The following FMN1 variants were observed in gnomAD, a reference collection of about 807,000 sequenced individuals.
The protein encoded by FMN1 is formin-1.
Under a neutral mutation model 132.4 loss-of-function variants are expected in FMN1, and 110 were observed. The observed-to-expected ratio is 0.83, with a 90% CI of 0.71 to 0.97. The LOEUF is 0.97. Ranked by LOEUF, FMN1 falls within the 50% of genes least tolerant of loss-of-function variation. The pLI, the probability that FMN1 is intolerant of heterozygous loss-of-function variation, is 0.00. For synonymous variants in FMN1, 722 were observed against 651.7 expected, an observed-to-expected ratio of 1.11 and a Z score of -1.64; for missense variants, 1,792 against 1,705.3, an observed-to-expected ratio of 1.05 and a Z score of -0.90.
chr15:33,014,869 TG>T (rs2034947201), intron 6 of FMN1, among the ~76,000 whole-genome samples: 1 of 152,220 alleles, frequency 6.6e-6, no homozygotes, highest in African/African-American at 2.4e-5. Flanking sequence ...TAACCACTGC[TG>T]AAGTCCATCA....
rs948355405 is a variant in FMN1, at chr15:32,979,205, G to A, written c.2224-9728C>T. Among the ~76,000 whole-genome samples, 5 of 152,082 alleles carry A rather than the reference G, an allele frequency of 3.3e-5. No individual in the cohort carries two copies. The East Asian group carries it at 9.6e-4, about 29-fold the overall frequency. Reference sequence around the variant, plus strand: ...CACAACAAAGATGGCCTCCCTACCAGCCAATACTCAAACAAGCTTTGATGA... The same window carrying A: ...CACAACAAAGATGGCCTCCCTACCAACCAATACTCAAACAAGCTTTGATGA... On this transcript the variant is annotated intron_variant, in intron 7 of 20. Transcript: ENST00000616417.
At chr15:33,117,293 T>C (rs1595508723) in intron 4 of FMN1, among the ~76,000 whole-genome samples, 1 of 152,304 alleles carries the variant, frequency 6.6e-6, no homozygotes, top group East Asian at 1.9e-4. Flanking sequence ...ATTTGTAATG[T>C]CCTGCCATAA....
At position 32,774,260 on chromosome 15, in the gene FMN1, G is replaced by A. The variant is rs1484005256; in HGVS notation, c.*50C>T. On this transcript the variant is annotated 3_prime_UTR_variant, in exon 21 of 21. Transcript: ENST00000616417. ...GCAACCCTGTGGTCACAAAGAGTATGCGTGCAAGGTCCTCCACCTCCAGTG... is the reference window on the plus strand; with the variant it reads ...GCAACCCTGTGGTCACAAAGAGTATACGTGCAAGGTCCTCCACCTCCAGTG... The A allele has an allele frequency of 7.2e-7, 1 of 1,387,046 alleles. No homozygotes were observed. The highest frequency in any genetic ancestry group is 1.0e-6 in the Non-Finnish European group (1 of 986,628). 85.9% of individuals were successfully genotyped at this position (1,387,046 alleles called of 1,614,324 possible).
At chr15:32,810,197 G>A (rs903530779) in intron 17 of FMN1, among the ~76,000 whole-genome samples, 2 of 152,194 alleles carry the variant, frequency 1.3e-5, no homozygotes, top group African/African-American at 2.4e-5. Flanking sequence ...GATTACAGGC[G>A]TGAGCCACCG....
At chr15:32,946,783 G>A (rs551535891) in intron 9 of FMN1, among the ~76,000 whole-genome samples, 12 of 152,262 alleles carry the variant, frequency 7.9e-5, no homozygotes, top group Admixed American at 4.6e-4. Context: ...GGCATCCTGC[G>A]TTGGTGGAGA....
At chr15:33,033,486 A>C (rs991255781) in intron 6 of FMN1, among the ~76,000 whole-genome samples, 1 of 152,132 alleles carries the variant, frequency 6.6e-6, no homozygotes, top group Non-Finnish European at 1.5e-5. Flanking sequence ...TTAGTACAGA[A>C]GCTCTTATCC....
rs1224259031 is a variant in FMN1, at chr15:32,874,410, G to C, written c.3835+13762C>G. On this transcript the variant is annotated intron_variant, in intron 16 of 20. Coordinates refer to ENST00000616417, the MANE Select transcript of FMN1 (RefSeq NM_001277313.2). ...GTTAGGAAAAGGTATGTCATGGATT[G>C]AAAAAAAAATTAGATGTTTGTAATT... Among the ~76,000 whole-genome samples the C allele has an allele frequency of 2.7e-5, 4 of 150,788 alleles. No individual in the cohort carries two copies. The East Asian group carries it at 7.7e-4, about 29-fold the overall frequency.
intron 2 of FMN1, among the ~76,000 whole-genome samples, chr15:33,190,668 T>C (rs1185326866): frequency 1.3e-5 from 2 of 152,204 alleles, no homozygotes; most frequent in Non-Finnish European, 2.9e-5. Context: ...TATCATGTTC[T>C]CTGAGCTTCT....
At chr15:32,997,073 A>AT (rs1432903578) in intron 7 of FMN1, among the ~76,000 whole-genome samples, 3 of 152,204 alleles carry the variant, frequency 2.0e-5, no homozygotes, top group Non-Finnish European at 4.4e-5. Flanking sequence ...CTTCTATGAG[A>AT]TTCAGGTTTC....
intron 9 of FMN1, among the ~76,000 whole-genome samples, chr15:32,929,093 T>C (rs992252190): frequency 3.3e-5 from 5 of 152,228 alleles, no homozygotes; most frequent in Non-Finnish European, 7.3e-5. Context: ...GAGTGTTACC[T>C]TTACTGGGAC....
intron 5 of FMN1, among the ~76,000 whole-genome samples, chr15:33,087,402 T>C (rs951060906): frequency 1.3e-5 from 2 of 152,004 alleles, no homozygotes; most frequent in Non-Finnish European, 2.9e-5. Context: ...AAAAATTAGC[T>C]GGGTGTGGTA....
chr15:32,944,503 A>G (rs2061463458), intron 9 of FMN1, among the ~76,000 whole-genome samples: 1 of 152,220 alleles, frequency 6.6e-6, no homozygotes, highest in Non-Finnish European at 1.5e-5. Context: ...TTCACTGTTT[A>G]GTCAAACTGT....
intron 7 of FMN1, among the ~76,000 whole-genome samples, chr15:33,005,902 C>A (rs1002607045): frequency 3.3e-5 from 5 of 152,138 alleles, no homozygotes; most frequent in African/African-American, 9.7e-5. Context: ...GGCCTCCCTC[C>A]TCTCCTTTTC....
At chr15:33,121,833 ATTT>A (rs1228268705) in intron 4 of FMN1, among the ~76,000 whole-genome samples, 1 of 151,602 alleles carries the variant, frequency 6.6e-6, no homozygotes, top group African/African-American at 2.4e-5. Context: ...ACCCGGCCAA[ATTT>A]TTGTTTTTCT....
intron 4 of FMN1, among the ~76,000 whole-genome samples, chr15:33,118,269 T>G (rs1400866230): frequency 1.3e-5 from 2 of 152,218 alleles, no homozygotes; most frequent in Non-Finnish European, 2.9e-5. Context: ...ATTTTCTCAT[T>G]TGTTATATTA....
intron 16 of FMN1, among the ~76,000 whole-genome samples, chr15:32,880,135 A>G (rs563460625): frequency 2.0e-5 from 3 of 151,374 alleles, no homozygotes; most frequent in Non-Finnish European, 4.4e-5. Flanking sequence ...CATCACCCCA[A>G]TATAGCACAC....
chr15:32,912,347 A>C (rs985828551), intron 10 of FMN1, among the ~76,000 whole-genome samples: 2 of 152,186 alleles, frequency 1.3e-5, no homozygotes, highest in African/African-American at 4.8e-5. Context: ...ACTGAGAACA[A>C]CCATGGGCTC....
rs1003354474 is a variant in FMN1, at chr15:33,077,119, T to C, written c.2043+11680A>G. 2.0e-5 allele frequency among the ~76,000 whole-genome samples: 3 copies of C among 152,226 alleles called. No homozygotes were observed. The East Asian group carries it at 5.8e-4, about 29-fold the overall frequency. The stretch of plus-strand genomic sequence containing the variant: ...ATCTCAGTTCACCACAACATCTGCC[T>C]CCCAGGGCGCAAGCCATCTTCCTGC... On this transcript the variant is annotated intron_variant, in intron 5 of 20. Coordinates refer to ENST00000616417, the MANE Select transcript of FMN1 (RefSeq NM_001277313.2).
chr15:32,800,083 T>C (rs1161300871), intron 18 of FMN1, among the ~76,000 whole-genome samples: 1 of 152,156 alleles, frequency 6.6e-6, no homozygotes, highest in Non-Finnish European at 1.5e-5. Context: ...TACTTTCATC[T>C]CATTCTCGGT....
Sources: gnomAD v4.1 joint callset for allele counts (sites outside exome capture counted in the v4.1 genomes callset) on GRCh38, gnomAD v4.1.1 for gene constraint, MANE v1.5 for transcripts, NCBI Gene and HGNC (gene_info 2026-07-23, HGNC 2026-07-21) for gene names.